DOT1L: variants seen among roughly 807,000 people sequenced by gnomAD.
DOT1L encodes DOT1 like histone lysine methyltransferase, also known as histone-lysine N-methyltransferase, H3 lysine-79 specific.
A neutral mutation model predicts 153.3 loss-of-function variants in DOT1L; 33 were observed. The ratio of observed to expected loss-of-function variants is 0.22; its 90% confidence interval spans 0.16 to 0.29. DOT1L has a LOEUF of 0.29. DOT1L is among the 10% of genes least tolerant of loss of function. The pLI is 1.00. For synonymous variants in DOT1L, 1,135 were observed against 965.1 expected, an observed-to-expected ratio of 1.18 and a Z score of -3.26; for missense variants, 1,847 against 2,119.9, an observed-to-expected ratio of 0.87 and a Z score of 2.53.
intron 2 of DOT1L, among the ~76,000 whole-genome samples, chr19:2,181,243 G>A (rs1037483038): frequency 6.6e-6 from 1 of 152,226 alleles, no homozygotes; most frequent in African/African-American, 2.4e-5. Flanking sequence ...CCACTGGGAA[G>A]CTGCCCATGG....
chr19:2,229,466 G>C (rs181384221), intron 27 of DOT1L: 1 of 985,364 alleles, frequency 1.0e-6, no homozygotes, highest in Non-Finnish European at 1.2e-6. Context: ...GCGGGCACCT[G>C]CGGGCTGGAC....
chr19:2,216,739 G>A lies in DOT1L; in HGVS notation c.2382G>A (p.Arg794=), dbSNP rs2144870120. The change falls in exon 20 of 28, where the codon AGG becomes AGA. Residue 794 remains arginine, a synonymous_variant. Transcript: ENST00000398665. ...HLSQDHTVPG[R]PAASELHSRA... is the part of the protein sequence containing the mutation. Reference sequence around the variant, plus strand: ...GCCAGGACCACACGGTGCCCGGCAGGCCGGCTGCCAGTGAGCTGCATTCGA... The same window carrying A: ...GCCAGGACCACACGGTGCCCGGCAGACCGGCTGCCAGTGAGCTGCATTCGA... 1 of 1,595,124 alleles carries A rather than the reference G, an allele frequency of 6.3e-7. No homozygotes were observed. The highest frequency in any genetic ancestry group is 8.5e-7 in the Non-Finnish European group (1 of 1,175,648).
At chr19:2,178,606 A>C (rs1225646107) in intron 1 of DOT1L, among the ~76,000 whole-genome samples, 1 of 151,750 alleles carries the variant, frequency 6.6e-6, no homozygotes, top group Non-Finnish European at 1.5e-5. Context: ...TTTAGTAGAG[A>C]TGGGGTTTCA....
At chr19:2,225,075 A>G (rs1304827091) in intron 25 of DOT1L, among the ~76,000 whole-genome samples, 1 of 152,176 alleles carries the variant, frequency 6.6e-6, no homozygotes, top group Non-Finnish European at 1.5e-5. Flanking sequence ...TCTGTCTGGG[A>G]TTCTCACACT....
rs565874222 is a variant in DOT1L at position 2,220,848 on chromosome 19, C to T, written c.2806+626C>T. 2.0e-5 allele frequency: 6 copies of T among 300,364 alleles called. No homozygotes were observed. The highest frequency in any genetic ancestry group is 6.6e-5 in the African/African-American group (3 of 45,788). 18.6% of individuals were successfully genotyped at this position (300,364 alleles called of 1,614,324 possible). On this transcript the variant is annotated intron_variant, in intron 23 of 27. Transcript: ENST00000398665. The surrounding 1 kb of genome is among the most constrained non-coding windows in gnomAD (Gnocchi z 4.5). ...GGTTTGCTGGCCCCAGGTTGAGATG[C>T]GGTATGATGCGGCAGCTACTTTTTT... is the stretch of plus-strand genomic sequence containing the variant.
intron 23 of DOT1L, 149 bp from the exon 24 acceptor site, chr19:2,221,827 C>T: frequency 6.1e-6 from 5 of 817,358 alleles, no homozygotes; most frequent in African/African-American, 1.7e-5. Context: ...GGTTCCACCC[C>T]AGAGGGGCCG....
At chr19:2,228,806 G>A in intron 27 of DOT1L, 1 of 985,442 alleles carries the variant, frequency 1.0e-6, no homozygotes, top group Non-Finnish European at 1.2e-6. Flanking sequence ...CGCCCAGCAT[G>A]TAGCAGGCAC....
chr19:2,201,193 T>TTCCTCGTCCTCCCCG (rs1568348555), intron 8 of DOT1L, among the ~76,000 whole-genome samples: 3 of 61,440 alleles, frequency 4.9e-5, no homozygotes, highest in Admixed American at 1.6e-4. Flanking sequence ...CGTCCTCCCC[T>TTCCTCGTCCTCCCCG]CATTCCTCGT....
intron 22 of DOT1L, among the ~76,000 whole-genome samples, chr19:2,218,381 C>A (rs577931906): frequency 2.2e-4 from 34 of 152,290 alleles, no homozygotes; most frequent in African/African-American, 7.5e-4. Flanking sequence ...TGGTTTTTAG[C>A]ATTTATTTTT....
At chr19:2,218,685 G>A (rs1309012587) in intron 22 of DOT1L, among the ~76,000 whole-genome samples, 5 of 150,594 alleles carry the variant, frequency 3.3e-5, no homozygotes, top group South Asian at 2.1e-4. Context: ...GAGCCACGAC[G>A]TCTGGCCTCT....
intron 1 of DOT1L, among the ~76,000 whole-genome samples, chr19:2,176,196 GTC>G (rs2021925525): frequency 6.6e-6 from 1 of 152,142 alleles, no homozygotes; most frequent in South Asian, 2.1e-4. Flanking sequence ...ACCTGGTGAA[GTC>G]TGCACAAAGC....
At chr19:2,187,899 GT>G (rs1404000273) in intron 3 of DOT1L, among the ~76,000 whole-genome samples, 1 of 148,060 alleles carries the variant, frequency 6.8e-6, no homozygotes, top group Non-Finnish European at 1.5e-5. Flanking sequence ...TCCAGCCTGG[GT>G]GACAGAGCGA....
At chr19:2,198,340 C>T (rs2023103326) in intron 7 of DOT1L, among the ~76,000 whole-genome samples, 1 of 152,142 alleles carries the variant, frequency 6.6e-6, no homozygotes, top group Non-Finnish European at 1.5e-5. Flanking sequence ...CAGGATGGCT[C>T]GCCTGCGCAC....
In DOT1L at chr19:2,222,350, T is replaced by C. The variant is rs1255797360; in HGVS notation, c.3181T>C (p.Ser1061Pro). 1 of 1,612,564 alleles carries C rather than the reference T, an allele frequency of 6.2e-7. No individual in the cohort carries two copies. The part of the protein sequence containing the change: ...TGAGSAKQSP[S>P]SKHSPLTASA... ...TGCGGGCAGTGCCAAGCAGTCGCCCTCCAGCAAGCACAGCCCCCTGACCGC... is the reference window on the plus strand; with the variant it reads ...TGCGGGCAGTGCCAAGCAGTCGCCCCCCAGCAAGCACAGCCCCCTGACCGC... The change falls in exon 24 of 28, where the codon TCC becomes CCC. Residue 1061 changes from serine (S) to proline (P), a missense_variant. Physicochemically the swap from Ser to Pro is moderately conservative, Grantham distance 74. Around this residue, in one of 8 missense-constraint regions of DOT1L, gnomAD observed 934 missense variants for 825.3 expected, o/e 1.13. Coordinates refer to ENST00000398665, the MANE Select transcript of DOT1L (RefSeq NM_032482.3). This position sits in a 1 kb window ranked among gnomAD's most constrained non-coding sequence, Gnocchi z 6.5.
intron 1 of DOT1L, among the ~76,000 whole-genome samples, chr19:2,167,322 T>A (rs1185321668): frequency 6.6e-6 from 1 of 152,236 alleles, no homozygotes; most frequent in Non-Finnish European, 1.5e-5. Context: ...CCTGGGGTAG[T>A]GGTCTTGCCA....
chr19:2,212,072 G>C (rs977637422), intron 16 of DOT1L: 13 of 527,056 alleles, frequency 2.5e-5, no homozygotes. Context: ...GCAAGACCTG[G>C]TGTCTGATAG....
intron 1 of DOT1L, among the ~76,000 whole-genome samples, chr19:2,165,363 C>G (rs565432844): frequency 6.6e-6 from 1 of 152,114 alleles, no homozygotes; most frequent in Non-Finnish European, 1.5e-5. Flanking sequence ...CTGGGGAGCC[C>G]GGGCTGGCTC....
intron 7 of DOT1L, among the ~76,000 whole-genome samples, chr19:2,195,933 C>T (rs1356812589): frequency 6.6e-6 from 1 of 152,240 alleles, no homozygotes; most frequent in Non-Finnish European, 1.5e-5. Context: ...AGTCCCCTCC[C>T]AGGTGGTGCC....
chr19:2,180,190 A>T (rs2022161756), intron 1 of DOT1L, among the ~76,000 whole-genome samples: 1 of 152,166 alleles, frequency 6.6e-6, no homozygotes, highest in South Asian at 2.1e-4. Flanking sequence ...ACAGTTGGGG[A>T]AACAGGCCCC....
Sources: allele counts gnomAD v4.1 joint callset (sites outside exome capture counted in the v4.1 genomes callset), GRCh38; gene constraint gnomAD v4.1.1; regional missense constraint gnomAD v4.1.1; non-coding constraint Gnocchi (gnomAD v3.1); transcripts MANE v1.5; gene names NCBI Gene and HGNC (gene_info 2026-07-23, HGNC 2026-07-21).